IL5RA: variants seen among roughly 807,000 people sequenced by gnomAD.
The protein encoded by IL5RA is interleukin 5 receptor subunit alpha.
A neutral mutation model predicts 50.0 loss-of-function variants in IL5RA; 49 were observed. That is an observed-to-expected ratio of 0.98 (90% confidence interval 0.78 to 1.24). The LOEUF (loss-of-function observed/expected upper bound fraction) is 1.24. IL5RA is among the 50% of genes most tolerant of loss of function. The probability of loss-of-function intolerance (pLI) is 0.00; values close to 1 mark genes in which losing one functional copy is unlikely to be tolerated. For missense variants in IL5RA, 600 were observed against 500.4 expected, an observed-to-expected ratio of 1.20 and a Z score of -1.90; for synonymous variants, 202 against 174.0, an observed-to-expected ratio of 1.16 and a Z score of -1.26.
chr3:3,090,219 C>G, intron 9 of IL5RA: 2 of 1,610,272 alleles, frequency 1.2e-6, no homozygotes, highest in East Asian at 4.5e-5. Flanking sequence ...CGGTGTGGGG[C>G]AGGAAAGCTG....
chr3:3,096,116 A>G (rs1225786876), intron 7 of IL5RA, among the ~76,000 whole-genome samples: 1 of 152,040 alleles, frequency 6.6e-6, no homozygotes, highest in Non-Finnish European at 1.5e-5. Context: ...CTCTCTACTA[A>G]AAATACAAAA....
At chr3:3,087,690 T>G (rs1280558510) in intron 9 of IL5RA, among the ~76,000 whole-genome samples, 3 of 150,950 alleles carry the variant, frequency 2.0e-5, no homozygotes, top group African/African-American at 7.3e-5. Flanking sequence ...AGTCTTGGAG[T>G]AAAATGGAGT....
intron 11 of IL5RA, chr3:3,073,885 C>T (rs1447771533): frequency 2.4e-6 from 1 of 419,320 alleles, no homozygotes; most frequent in African/African-American, 2.1e-5. Context: ...CACAAATGGT[C>T]TCGTGGTTTA....
rs773864357 is a variant in IL5RA, at chr3:3,092,267, T to C, written c.951A>G (p.Arg317=). The C allele has an allele frequency of 1.5e-4, 245 of 1,614,056 alleles. No individual in the cohort carries two copies. Among genetic ancestry groups the C allele is most frequent in the Non-Finnish European group, 1.8e-4 (218 of 1,180,048 alleles). The change falls in exon 9 of 12, where the codon AGA becomes AGG. Residue 317 remains arginine (R), a synonymous_variant. Coordinates refer to ENST00000446632, the MANE Select transcript of IL5RA (RefSeq NM_175726.4). This position sits in a 1 kb window ranked among gnomAD's most constrained non-coding sequence, Gnocchi z 4.2. ...TCCACTCACTCCAGAGCCCTGCCTC[T>C]CTGCACATGGAGCTCACTGCTGCTC... ...QVRAAVSSMC[R]EAGLWSEWSQ...
At chr3:3,100,956 G>A (rs926916497) in intron 5 of IL5RA, among the ~76,000 whole-genome samples, 1 of 150,342 alleles carries the variant, frequency 6.7e-6, no homozygotes, top group African/African-American at 2.4e-5. Flanking sequence ...AGACCAGCCT[G>A]GCCAACATGG....
rs17879690 is a variant in IL5RA, at chr3:3,095,369, A to G, written c.785T>C (p.Val262Ala). 4.5e-4 allele frequency: 720 copies of G among 1,609,496 alleles called. 3 individuals carry two copies. The African/African-American group carries it at 8.8e-3, about 20-fold the overall frequency. Residue 262 changes from valine to alanine, a missense_variant, in exon 8 of 12, where the codon GTG (valine) becomes GCG (alanine). Physicochemically the swap from Val to Ala is moderately conservative, Grantham distance 64. Transcript: ENST00000446632. Reference sequence around the variant, plus strand: ...AAAGCAATGGATTGGAAAAGCAGACACTGGTTTCTCCCATTGGATAGAGAG... The same window carrying G: ...AAAGCAATGGATTGGAAAAGCAGACGCTGGTTTCTCCCATTGGATAGAGAG... Reference protein sequence around the residue: ...TRLSIQWEKPVSAFPIHCFDY... With the variant: ...TRLSIQWEKPASAFPIHCFDY...
intron 2 of IL5RA, among the ~76,000 whole-genome samples, chr3:3,108,037 T>C (rs550161483): frequency 4.6e-5 from 7 of 152,318 alleles, no homozygotes; most frequent in African/African-American, 1.7e-4. Flanking sequence ...TAACACCTAA[T>C]TCCAGACTCA....
At position 3,070,085 on chromosome 3, in the gene IL5RA, G is replaced by A; in HGVS notation, c.*140C>T. ...TACTTTTAAGAGATACAAGACTGGT[G>A]TGTCTGGGTGTATTGCTTCGCAGGT... On this transcript the variant is annotated 3_prime_UTR_variant, in exon 12 of 12. Coordinates refer to ENST00000446632, the MANE Select transcript of IL5RA (RefSeq NM_175726.4). 1 of 640,452 alleles carries A rather than the reference G, an allele frequency of 1.6e-6. No homozygotes were observed. The highest frequency in any genetic ancestry group is 2.8e-6 in the Non-Finnish European group (1 of 354,764). 39.7% of individuals were successfully genotyped at this position (640,452 alleles called of 1,614,324 possible). A position where few individuals can be genotyped will look rare whatever the true frequency, so the allele number is the denominator to read the frequency against.
chr3:3,096,432 C>G (rs1364747427), intron 7 of IL5RA, among the ~76,000 whole-genome samples: 1 of 152,042 alleles, frequency 6.6e-6, no homozygotes, highest in Admixed American at 6.6e-5. Flanking sequence ...GTGTCCTTGT[C>G]TTAGGTAATA....
At chr3:3,075,414 G>T (rs1427248806) in intron 10 of IL5RA, among the ~76,000 whole-genome samples, 1 of 151,510 alleles carries the variant, frequency 6.6e-6, no homozygotes, top group Non-Finnish European at 1.5e-5. Context: ...TGTTGCCCAG[G>T]CTGGTCTCGA....
Position 3,098,152 on chromosome 3 carries a change from T to C in IL5RA, c.506A>G (p.Tyr169Cys). 1.2e-6 allele frequency: 2 copies of C among 1,614,130 alleles called. No individual in the cohort carries two copies. The highest frequency in any genetic ancestry group is 1.7e-6 in the Non-Finnish European group (2 of 1,180,032). ...CAGTACTAACCTATAGTAGAGAAAA[T>C]ACTGCGTGTCCTCAGGGGCATCTGT... Reference protein sequence around the residue: ...VGTDAPEDTQYFLYYRYGSWT... With the variant: ...VGTDAPEDTQCFLYYRYGSWT... Residue 169 changes from tyrosine (Y) to cysteine (C), a missense_variant, in exon 6 of 12, where the codon TAT becomes TGT. By Grantham distance (194) the Tyr-to-Cys change is radical (BLOSUM62 -2). Transcript: ENST00000446632.
intron 9 of IL5RA, among the ~76,000 whole-genome samples, chr3:3,078,942 C>T (rs145359332): frequency 4.0e-4 from 61 of 152,208 alleles, no homozygotes; most frequent in African/African-American, 1.3e-3. Context: ...ATTCAAAAGA[C>T]GCTTGGTTTC....
chr3:3,104,868 A>G (rs1450113353), intron 3 of IL5RA, 35 bp downstream of exon 3: 1 of 1,298,980 alleles, frequency 7.7e-7, no homozygotes, highest in Non-Finnish European at 1.1e-6. Context: ...TATTTTTAAA[A>G]ATAAACATTA....
chr3:3,073,389 C>T (rs1702367810), intron 11 of IL5RA, among the ~76,000 whole-genome samples: 1 of 152,158 alleles, frequency 6.6e-6, no homozygotes, highest in Non-Finnish European at 1.5e-5. Flanking sequence ...CCAAATCTGG[C>T]TTGTTGCCTG....
chr3:3,070,596 T>TTTTTTG, intron 11 of IL5RA, among the ~76,000 whole-genome samples: 1 of 121,824 alleles, frequency 8.2e-6, no homozygotes, highest in South Asian at 2.9e-4. Context: ...TTTTTTTTTT[T>TTTTTTG]TTTTAGACAG....
intron 9 of IL5RA, chr3:3,090,380 G>T: frequency 1.4e-6 from 1 of 706,480 alleles, no homozygotes; most frequent in African/African-American, 1.8e-5. Context: ...TGCTCTTATA[G>T]ACCTAGTGCA....
chr3:3,102,928 C>T, intron 3 of IL5RA, 108 bp from the exon 4 acceptor site: 1 of 813,574 alleles, frequency 1.2e-6, no homozygotes, highest in South Asian at 2.0e-5. Flanking sequence ...CCTGGACCTG[C>T]CAGCACCACA....
intron 9 of IL5RA, among the ~76,000 whole-genome samples, chr3:3,088,444 T>G (rs1000808199): frequency 2.6e-5 from 4 of 152,256 alleles, no homozygotes. Context: ...TCTGACAATC[T>G]AAATTTAGCC....
chr3:3,095,271 C>T (rs763090681), intron 8 of IL5RA, 28 bp downstream of exon 8: 1 of 1,519,086 alleles, frequency 6.6e-7, no homozygotes, highest in South Asian at 1.2e-5. Flanking sequence ...TGTCTGTTAT[C>T]AAATATTGGA....
Sources: gnomAD v4.1 joint callset for allele counts (sites outside exome capture counted in the v4.1 genomes callset) on GRCh38, gnomAD v4.1.1 for gene constraint, Gnocchi (gnomAD v3.1) non-coding constraint, MANE v1.5 for transcripts, NCBI Gene and HGNC (gene_info 2026-07-23, HGNC 2026-07-21) for gene names.